The following NRG3 variants were observed in gnomAD, a reference collection of about 807,000 sequenced individuals.
NRG3 encodes the protein pro-neuregulin-3, membrane-bound isoform.
A neutral mutation model predicts 66.9 loss-of-function variants in NRG3; 31 were observed. The ratio of observed to expected loss-of-function variants is 0.46; its 90% confidence interval spans 0.35 to 0.63. The LOEUF (loss-of-function observed/expected upper bound fraction) is 0.63. NRG3 is among the 20% of genes least tolerant of loss of function. The pLI is 0.00. For synonymous variants in NRG3, 393 were observed against 359.4 expected (o/e 1.09, Z -1.06); for missense variants, 910 against 878.9 (o/e 1.04, Z -0.45).
chr10:82,099,138 T>C (rs1166734765), intron 1 of NRG3, among the ~76,000 whole-genome samples: 1 of 152,178 alleles, frequency 6.6e-6, no homozygotes, highest in East Asian at 1.9e-4. Flanking sequence ...TGGATTATGG[T>C]TTTGCTGTTC....
chr10:82,323,083 G>GGGAA (rs1186182372), intron 1 of NRG3, among the ~76,000 whole-genome samples: 2 of 152,132 alleles, frequency 1.3e-5, no homozygotes, highest in African/African-American at 4.8e-5. Flanking sequence ...GAATTACTGT[G>GGGAA]GGAAGTATTT....
Position 81,875,458 on chromosome 10 carries a change from G to T in NRG3, c.118G>T (p.Gly40Cys). 8.1e-7 allele frequency: 1 copy of T among 1,237,070 alleles called. No individual in the cohort carries two copies. The highest frequency in any genetic ancestry group is 3.2e-5 in the East Asian group (1 of 31,510). 76.6% of individuals were successfully genotyped at this position (1,237,070 alleles called of 1,614,324 possible). Reference protein sequence around the residue: ...AAAAAGGGPDGGGEGAAEPPR... With the variant: ...AAAAAGGGPDCGGEGAAEPPR... ...GGCAGCGGCGGGCGGGGGCCCGGAC[G>T]GCGGCGGCGAAGGGGCGGCCGAGCC... The change falls in exon 1 of 9, where the codon GGC becomes TGC. Residue 40 changes from glycine to cysteine, a missense_variant. Physicochemically the swap from Gly to Cys is radical, Grantham distance 159 (BLOSUM62 -3). Coordinates refer to ENST00000372141, the MANE Select transcript of NRG3 (RefSeq NM_001010848.4). This position sits in a 1 kb window ranked among gnomAD's most constrained non-coding sequence, Gnocchi z 5.3.
Position 82,436,117 on chromosome 10 carries a change from A to G in NRG3, c.953+77249A>G, listed in dbSNP as rs182876191. On this transcript the variant is annotated intron_variant, in intron 2 of 8. Coordinates refer to ENST00000372141, the MANE Select transcript of NRG3 (RefSeq NM_001010848.4). ...TGTTAATTTTCTGTCTCATTGATCC[A>G]TCTAATACTGACATTGGGGTGTTAA... 4.9e-4 allele frequency among the ~76,000 whole-genome samples: 75 copies of G among 152,186 alleles called. 1 individual carries two copies. In the East Asian group the frequency reaches 0.012, roughly 25 times the overall value.
chr10:82,219,090 A>G (rs751570748), intron 1 of NRG3, among the ~76,000 whole-genome samples: 3 of 152,150 alleles, frequency 2.0e-5, no homozygotes, highest in East Asian at 3.9e-4. Flanking sequence ...CTGTGCATAT[A>G]TTAAGTGTGC....
intron 3 of NRG3, among the ~76,000 whole-genome samples, chr10:82,770,010 A>G (rs1298542576): frequency 2.0e-5 from 3 of 152,092 alleles, no homozygotes; most frequent in Non-Finnish European, 4.4e-5. Flanking sequence ...ATTAAAGTAG[A>G]AATATTCTGT....
chr10:82,048,396 T>A (rs1397282916), intron 1 of NRG3, among the ~76,000 whole-genome samples: 1 of 152,038 alleles, frequency 6.6e-6, no homozygotes, highest in Non-Finnish European at 1.5e-5. Context: ...TATAACAAAC[T>A]GTCTCTCAGA....
chr10:82,892,909 A>G (rs1048747675), intron 4 of NRG3, among the ~76,000 whole-genome samples: 20 of 151,994 alleles, frequency 1.3e-4, no homozygotes, highest in African/African-American at 4.8e-4. Context: ...AGGTATATGT[A>G]CCTCATAACA....
intron 4 of NRG3, among the ~76,000 whole-genome samples, chr10:82,883,820 T>C (rs569179402): frequency 2.0e-5 from 3 of 152,294 alleles, no homozygotes; most frequent in African/African-American, 7.2e-5. Flanking sequence ...CATGTCATAC[T>C]TCCAGAGTAG....
intron 1 of NRG3, among the ~76,000 whole-genome samples, chr10:81,906,818 T>C (rs1465569346): frequency 6.6e-6 from 1 of 152,084 alleles, no homozygotes; most frequent in African/African-American, 2.4e-5. Flanking sequence ...AAGATGCTAT[T>C]AGCATGGCCT....
chr10:82,031,309 G>C (rs972962349), intron 1 of NRG3, among the ~76,000 whole-genome samples: 19 of 152,094 alleles, frequency 1.2e-4, no homozygotes, highest in East Asian at 1.9e-4. Context: ...ATCTGAATGA[G>C]TGTTGTAAAG....
intron 1 of NRG3, among the ~76,000 whole-genome samples, chr10:82,136,574 C>T (rs1337820349): frequency 6.6e-6 from 1 of 152,120 alleles, no homozygotes; most frequent in Non-Finnish European, 1.5e-5. Flanking sequence ...CCTCTCTTTC[C>T]TCAAGTAGGA....
intron 2 of NRG3, among the ~76,000 whole-genome samples, chr10:82,736,970 T>G (rs762135595): frequency 6.6e-6 from 1 of 152,188 alleles, no homozygotes; most frequent in African/African-American, 2.4e-5. Flanking sequence ...CATGGTACGA[T>G]AATTCTGAAT....
intron 1 of NRG3, among the ~76,000 whole-genome samples, chr10:82,042,212 T>C (rs958197084): frequency 3.9e-5 from 6 of 152,090 alleles, no homozygotes; most frequent in Non-Finnish European, 8.8e-5. Flanking sequence ...AATTTGAGTA[T>C]ATTTAATTTA....
intron 3 of NRG3, among the ~76,000 whole-genome samples, chr10:82,811,739 C>T (rs1178519435): frequency 6.6e-6 from 1 of 152,182 alleles, no homozygotes; most frequent in Non-Finnish European, 1.5e-5. Flanking sequence ...CAACACCTGC[C>T]TGGACTGAGG....
chr10:82,695,970 C>CTAAA (rs1055814328), intron 2 of NRG3, among the ~76,000 whole-genome samples: 25 of 152,262 alleles, frequency 1.6e-4, no homozygotes, highest in African/African-American at 4.6e-4. Flanking sequence ...AAAGGATGTA[C>CTAAA]TAAATCACCT....
rs11308301 is a variant in NRG3 at position 82,354,395 on chromosome 10, C to CTT, written c.824-4331_824-4330dup. 4.5e-3 allele frequency among the ~76,000 whole-genome samples: 640 copies of CTT among 141,966 alleles called. 5 individuals are homozygous for CTT. The highest frequency in any genetic ancestry group is 0.011 in the Admixed American group (163 of 14,202). 93.1% of individuals were successfully genotyped at this position (141,966 alleles called of 152,430 possible). ...AAAAATGCTGTATAAAAAAGTTGTC[C>CTT]TTTTTTTTTTTTTTGACAGAGTTTC... On this transcript the variant is annotated intron_variant, in intron 1 of 8. Transcript: ENST00000372141.
intron 1 of NRG3, among the ~76,000 whole-genome samples, chr10:82,128,900 T>C (rs1487599292): frequency 6.6e-6 from 1 of 152,040 alleles, no homozygotes; most frequent in African/African-American, 2.4e-5. Flanking sequence ...GTCATCTTAA[T>C]TTGCTTGAGA....
intron 1 of NRG3, among the ~76,000 whole-genome samples, chr10:82,334,609 T>C (rs2082297324): frequency 1.3e-5 from 2 of 152,214 alleles, no homozygotes; most frequent in Admixed American, 1.3e-4. Context: ...TTAAGTTTAC[T>C]TTGCAGTTAA....
chr10:82,062,621 G>T (rs558939072), intron 1 of NRG3, among the ~76,000 whole-genome samples: 14 of 151,090 alleles, frequency 9.3e-5, no homozygotes, highest in African/African-American at 2.7e-4. Flanking sequence ...AAAAGAAAAA[G>T]AAAAAAAATA....
Sources: allele counts gnomAD v4.1 joint callset (sites outside exome capture counted in the v4.1 genomes callset), GRCh38; gene constraint gnomAD v4.1.1; non-coding constraint Gnocchi (gnomAD v3.1); transcripts MANE v1.5; gene names NCBI Gene and HGNC (gene_info 2026-07-23, HGNC 2026-07-21).